TRAF3: variants seen among roughly 807,000 people sequenced by gnomAD.
The protein encoded by TRAF3 is TNF receptor associated factor 3.
A neutral mutation model predicts 62.3 loss-of-function variants in TRAF3; 13 were observed. The observed-to-expected ratio is 0.21, with a 90% CI of 0.14 to 0.33. The LOEUF is 0.33. Ranked by LOEUF, TRAF3 falls within the 10% of genes least tolerant of loss-of-function variation. The pLI is 1.00. For missense variants in TRAF3, 440 were observed against 741.8 expected (o/e 0.59, Z 4.73); for synonymous variants, 269 against 283.4 (o/e 0.95, Z 0.51).
intron 4 of TRAF3, among the ~76,000 whole-genome samples, chr14:102,873,423 T>TGA (rs1251589325): frequency 6.6e-6 from 1 of 152,200 alleles, no homozygotes; most frequent in Non-Finnish European, 1.5e-5. Context: ...AACGTGTGAG[T>TGA]GAGAGAGAAG....
intron 1 of TRAF3, among the ~76,000 whole-genome samples, chr14:102,779,229 A>C (rs1477265089): frequency 5.4e-5 from 8 of 148,898 alleles, no homozygotes; most frequent in African/African-American, 2.0e-4. Context: ...TCAATGCAGA[A>C]GCCAGGAAAG....
intron 2 of TRAF3, among the ~76,000 whole-genome samples, chr14:102,866,561 C>T (rs967782429): frequency 6.6e-6 from 1 of 151,984 alleles, no homozygotes; most frequent in African/African-American, 2.4e-5. Flanking sequence ...AAAAATGACA[C>T]CACCAGGCGC....
intron 1 of TRAF3, among the ~76,000 whole-genome samples, chr14:102,806,388 C>A (rs1242300482): frequency 1.3e-5 from 2 of 152,152 alleles, no homozygotes; most frequent in Non-Finnish European, 2.9e-5. Flanking sequence ...TCAAGCCAGT[C>A]TGGATAAACC....
chr14:102,801,884 C>T (rs1385393660), intron 1 of TRAF3, among the ~76,000 whole-genome samples: 1 of 150,786 alleles, frequency 6.6e-6, no homozygotes, highest in Non-Finnish European at 1.5e-5. Flanking sequence ...GGCGTGGTGG[C>T]GGGCGCCTGT....
chr14:102,803,881 G>A (rs1898602296), intron 1 of TRAF3, among the ~76,000 whole-genome samples: 1 of 152,180 alleles, frequency 6.6e-6, no homozygotes, highest in Non-Finnish European at 1.5e-5. Flanking sequence ...TTGGCTTTGA[G>A]GAGGTGACCC....
chr14:102,839,932 G>A (rs555291475), intron 2 of TRAF3, among the ~76,000 whole-genome samples: 23 of 152,282 alleles, frequency 1.5e-4, no homozygotes, highest in Admixed American at 3.9e-4. Flanking sequence ...ACATCTCTGA[G>A]AATGAAAACA....
At chr14:102,795,590 A>ATGTGTGTGTGTG (rs376872365) in intron 1 of TRAF3, among the ~76,000 whole-genome samples, 3 of 15,258 alleles carry the variant, frequency 2.0e-4, no homozygotes, top group Admixed American at 1.8e-3. Flanking sequence ...TATGCATGAT[A>ATGTGTGTGTGTG]TGTATATATG....
intron 1 of TRAF3, among the ~76,000 whole-genome samples, chr14:102,781,546 G>A (rs2140050781): frequency 6.6e-6 from 1 of 152,272 alleles, no homozygotes; most frequent in East Asian, 1.9e-4. Context: ...TGTGGTCCCA[G>A]TTACTCCAGA....
rs530786310 is a variant in TRAF3, at chr14:102,898,235, G to A, written c.960+834G>A. On this transcript the variant is annotated intron_variant, in intron 10 of 11. Transcript: ENST00000392745. ...GATGAGTCATAGTGACTTGAATTGC[G>A]TAGGGATTTATTAAATTAATTTCAT... Among the ~76,000 whole-genome samples the A allele has an allele frequency of 1.8e-3, 270 of 152,328 alleles. 1 individual carries two copies. The highest frequency in any genetic ancestry group is 6.2e-3 in the African/African-American group (257 of 41,548).
chr14:102,899,277 CCTT>C (rs1285287154), intron 10 of TRAF3, among the ~76,000 whole-genome samples: 1 of 152,268 alleles, frequency 6.6e-6, no homozygotes, highest in East Asian at 1.9e-4. Context: ...TGATTGAAAG[CCTT>C]CTGATGCCCA....
At chr14:102,823,226 G>A (rs992375659) in intron 1 of TRAF3, among the ~76,000 whole-genome samples, 1 of 152,024 alleles carries the variant, frequency 6.6e-6, no homozygotes, top group African/African-American at 2.4e-5. Context: ...TTATGCATAG[G>A]CTTATTTTCG....
At chr14:102,828,354 G>A (rs925840838) in intron 1 of TRAF3, among the ~76,000 whole-genome samples, 2 of 152,202 alleles carry the variant, frequency 1.3e-5, no homozygotes, top group South Asian at 2.1e-4. Flanking sequence ...CACAACTGCT[G>A]ACTGTTGCCT....
At chr14:102,846,218 A>G (rs1331485422) in intron 2 of TRAF3, among the ~76,000 whole-genome samples, 2 of 152,158 alleles carry the variant, frequency 1.3e-5, no homozygotes, top group Non-Finnish European at 2.9e-5. Context: ...TGATTGAGAT[A>G]GCTGTACCAG....
intron 1 of TRAF3, among the ~76,000 whole-genome samples, chr14:102,827,056 C>T (rs1204146250): frequency 6.6e-6 from 1 of 152,224 alleles, no homozygotes; most frequent in Non-Finnish European, 1.5e-5. Context: ...TGCAGAGGAC[C>T]TCCCGCACCT....
chr14:102,906,309 A>G lies in TRAF3; in HGVS notation c.*525A>G, dbSNP rs1890583846. The G allele has an allele frequency of 3.3e-5, 5 of 153,672 alleles. No homozygotes were observed. Among genetic ancestry groups the G allele is most frequent in the Admixed American group, 1.3e-4 (2 of 15,446 alleles). 9.5% of individuals were successfully genotyped at this position (153,672 alleles called of 1,614,324 possible). A position where few individuals can be genotyped will look rare whatever the true frequency, so the allele number is the denominator to read the frequency against. On this transcript the variant is annotated 3_prime_UTR_variant, in exon 12 of 12. Coordinates refer to ENST00000392745, the MANE Select transcript of TRAF3 (RefSeq NM_145725.3). The stretch of plus-strand genomic sequence containing the variant: ...AAGGCCTCATCTGGTCTCTGTTTTA[A>G]TAATTTGTTTGTCAGAAGACCCTGA...
intron 1 of TRAF3, among the ~76,000 whole-genome samples, chr14:102,782,847 G>A (rs181391012): frequency 4.6e-5 from 7 of 152,004 alleles, no homozygotes; most frequent in African/African-American, 1.5e-4. Context: ...ACCCAAAAGC[G>A]TATTTATTGG....
intron 2 of TRAF3, among the ~76,000 whole-genome samples, chr14:102,868,776 T>G (rs192907939): frequency 8.7e-4 from 132 of 152,358 alleles, no homozygotes; most frequent in South Asian, 3.7e-3. Flanking sequence ...GAGTGCATGG[T>G]GTAATTTTTA....
intron 1 of TRAF3, among the ~76,000 whole-genome samples, chr14:102,781,097 T>G (rs1443607250): frequency 6.6e-6 from 1 of 152,156 alleles, no homozygotes; most frequent in Non-Finnish European, 1.5e-5. Flanking sequence ...AAAGAGAAAG[T>G]CTTCTGGGAA....
chr14:102,826,458 G>A lies in TRAF3; in HGVS notation c.-156-3876G>A, dbSNP rs1900318997. ...CAGGACAGCATGGGAGCTGCTGGAG[G>A]TCGGGGGAGCTCAGGGAAAGGGCCT... On this transcript the variant is annotated intron_variant, in intron 1 of 11. Transcript: ENST00000392745. The surrounding 1 kb of genome is among the most constrained non-coding windows in gnomAD (Gnocchi z 4.6). 6.6e-6 allele frequency among the ~76,000 whole-genome samples: 1 copy of A among 152,202 alleles called. No homozygotes were observed. The highest frequency in any genetic ancestry group is 2.4e-5 in the African/African-American group (1 of 41,452).
Sources: gnomAD v4.1 joint callset for allele counts (sites outside exome capture counted in the v4.1 genomes callset) on GRCh38, gnomAD v4.1.1 for gene constraint, Gnocchi (gnomAD v3.1) non-coding constraint, MANE v1.5 for transcripts, NCBI Gene and HGNC (gene_info 2026-07-23, HGNC 2026-07-21) for gene names.